TRAPPC13: variants seen among roughly 807,000 people sequenced by gnomAD.
TRAPPC13 encodes the protein REV7-interacting novel NHEJ regulator 1.
TRAPPC13 carries 39 observed loss-of-function variants against 54.0 expected under a neutral mutation model. That is an observed-to-expected ratio of 0.72 (90% CI 0.56 to 0.94). TRAPPC13 has a LOEUF of 0.94. TRAPPC13 is among the 40% of genes least tolerant of loss of function. The pLI is 0.00. For synonymous variants in TRAPPC13, 148 were observed against 167.7 expected (o/e 0.88, Z 0.91); for missense variants, 386 against 488.1 (o/e 0.79, Z 1.97).
rs1423564242 is a variant in TRAPPC13, at chr5:65,647,056, C to T, written c.302C>T (p.Ala101Val). 6.6e-7 allele frequency: 1 copy of T among 1,521,986 alleles called. No individual in the cohort carries two copies. Among genetic ancestry groups the T allele is most frequent in the African/African-American group, 1.4e-5 (1 of 70,822 alleles). The allele number at this position is 1,521,986 out of a possible 1,614,324, so 94.3% of individuals were successfully genotyped here. ...TTTTTTTTTTAACTTTCTTTCAAGG[C>T]TGATCTTCAGACAAGTTCTCAGCGT... ...NQVVKDILVK[A>V]DLQTSSQRLN... The change falls in exon 5 of 13, where the codon GCT becomes GTT. Residue 101 changes from alanine (A) to valine (V), a missense_variant and splice_region_variant. Physicochemically the swap from Ala to Val is moderately conservative, Grantham distance 64 (BLOSUM62 0). Coordinates refer to ENST00000399438, the MANE Select transcript of TRAPPC13 (RefSeq NM_024941.4).
chr5:65,626,858 C>G lies in TRAPPC13; in HGVS notation c.46+1752C>G, dbSNP rs547756790. Among the ~76,000 whole-genome samples the G allele has an allele frequency of 5.4e-5, 8 of 148,462 alleles. No homozygotes were observed. The South Asian group carries it at 1.7e-3, about 32-fold the overall frequency. On this transcript the variant is annotated intron_variant, in intron 1 of 12. Transcript: ENST00000399438. ...TACCTAAGAAAGAATATTTAAGCAG[C>G]CTAAGCCAGGCGTGGTGGCTCACGC...
At chr5:65,629,543 A>G in intron 1 of TRAPPC13, 1 of 1,472,614 alleles carries the variant, frequency 6.8e-7, no homozygotes, top group Non-Finnish European at 8.9e-7. Flanking sequence ...GAGGAGTTCA[A>G]CTAAGAAATT....
chr5:65,652,201 A>T (rs970430847), intron 6 of TRAPPC13, among the ~76,000 whole-genome samples: 1 of 151,898 alleles, frequency 6.6e-6, no homozygotes, highest in Non-Finnish European at 1.5e-5. Flanking sequence ...GTGAATATAG[A>T]TATAGAAAAA....
chr5:65,641,154 G>C (rs1007951644), intron 4 of TRAPPC13, among the ~76,000 whole-genome samples: 2 of 151,968 alleles, frequency 1.3e-5, no homozygotes. Context: ...AGCAGGTCTT[G>C]AACTCCTGAA....
intron 10 of TRAPPC13, 89 bp from the exon 11 acceptor site, chr5:65,661,961 T>C: frequency 1.2e-6 from 1 of 805,026 alleles, no homozygotes; most frequent in Non-Finnish European, 1.9e-6. Flanking sequence ...ACCCAACAGC[T>C]GTTGAGTAAA....
chr5:65,628,262 A>G (rs1278607514), intron 1 of TRAPPC13, among the ~76,000 whole-genome samples: 1 of 152,180 alleles, frequency 6.6e-6, no homozygotes, highest in Non-Finnish European at 1.5e-5. Flanking sequence ...CTGGAATTCA[A>G]AAGCCATGGT....
chr5:65,656,765 G>A (rs1412855494), intron 8 of TRAPPC13, among the ~76,000 whole-genome samples: 2 of 151,992 alleles, frequency 1.3e-5, no homozygotes, highest in African/African-American at 4.8e-5. Flanking sequence ...AATTAGCCAG[G>A]CATGGTGGCA....
At chr5:65,648,379 A>G (rs184339813) in intron 5 of TRAPPC13, among the ~76,000 whole-genome samples, 2 of 123,144 alleles carry the variant, frequency 1.6e-5, no homozygotes, top group African/African-American at 5.9e-5. Context: ...AATGTTTCGT[A>G]TTTACTTATT....
intron 9 of TRAPPC13, among the ~76,000 whole-genome samples, chr5:65,659,988 AAAGAAG>A (rs71610507): frequency 7.2e-5 from 10 of 139,278 alleles, no homozygotes; most frequent in East Asian, 4.4e-4. Flanking sequence ...AAAAAAAAAA[AAAGAAG>A]AAGAAGAAGA....
intron 6 of TRAPPC13, among the ~76,000 whole-genome samples, chr5:65,652,105 C>T (rs957381364): frequency 4.0e-5 from 6 of 151,686 alleles, no homozygotes; most frequent in Non-Finnish European, 5.9e-5. Flanking sequence ...TCAGGTGATC[C>T]GCCTGCCTTG....
intron 6 of TRAPPC13, among the ~76,000 whole-genome samples, chr5:65,651,304 C>T (rs1170183828): frequency 6.6e-6 from 1 of 152,054 alleles, no homozygotes; most frequent in East Asian, 1.9e-4. Context: ...ATCGCTTGAC[C>T]CCAGGCTTCA....
At chr5:65,629,228 A>C (rs1343097003) in intron 1 of TRAPPC13, among the ~76,000 whole-genome samples, 1 of 152,206 alleles carries the variant, frequency 6.6e-6, no homozygotes, top group Non-Finnish European at 1.5e-5. Context: ...TGAGTTAAAC[A>C]TGTTGACTAC....
In TRAPPC13 at chr5:65,666,074, AGTCT is replaced by A. The variant is rs545248734; in HGVS notation, c.*1468_*1471del. The A allele has an allele frequency of 2.0e-5, 3 of 152,722 alleles. No individual in the cohort carries two copies. Among genetic ancestry groups the A allele is most frequent in the South Asian group, 2.1e-4 (1 of 4,834 alleles). The allele number at this position is 152,722 out of a possible 1,614,324, so 9.5% of individuals were successfully genotyped here. ...TAAAGTGCAAGCAGTGTAAAATTGA[AGTCT>A]GTCTTTGTTTCAAAATGATTAAGAT... On this transcript the variant is annotated 3_prime_UTR_variant, in exon 13 of 13. Coordinates refer to ENST00000399438, the MANE Select transcript of TRAPPC13 (RefSeq NM_024941.4).
intron 7 of TRAPPC13, among the ~76,000 whole-genome samples, chr5:65,652,903 C>T (rs144669676): frequency 2.0e-5 from 3 of 151,952 alleles, no homozygotes; most frequent in South Asian, 4.2e-4. Flanking sequence ...GTAGATCTAA[C>T]GCTGCAAAAT....
chr5:65,656,283 C>T (rs1756649168), intron 8 of TRAPPC13, among the ~76,000 whole-genome samples: 1 of 152,164 alleles, frequency 6.6e-6, no homozygotes, highest in Non-Finnish European at 1.5e-5. Flanking sequence ...ACTTGATTTT[C>T]CATTATGCTG....
In TRAPPC13 at chr5:65,635,329, C is replaced by T. The variant is rs1306033995; in HGVS notation, c.75C>T (p.Phe25=). ...KVMRLTKPTL[F]TNIPVTCEEK... is the part of the protein sequence containing the mutation. ...TGCGGCTGACTAAGCCTACTTTATT[C>T]ACCAATATCCCAGTAACATGTGAAG... The change falls in exon 2 of 13, where the codon TTC becomes TTT. Residue 25 remains phenylalanine, a synonymous_variant. Coordinates refer to ENST00000399438, the MANE Select transcript of TRAPPC13 (RefSeq NM_024941.4). 6.2e-7 allele frequency: 1 copy of T among 1,613,320 alleles called. No individual in the cohort carries two copies. Among genetic ancestry groups the T allele is most frequent in the Non-Finnish European group, 8.5e-7 (1 of 1,179,542 alleles).
At chr5:65,630,726 G>C (rs16894141) in intron 1 of TRAPPC13, 300,153 of 953,680 alleles carry the variant, frequency 0.31, 48,960 homozygotes, top group South Asian at 0.36. Flanking sequence ...TATTTATGTG[G>C]CATGAATGTA....
chr5:65,643,795 C>T (rs955490885), intron 4 of TRAPPC13, among the ~76,000 whole-genome samples: 43 of 129,086 alleles, frequency 3.3e-4, no homozygotes, highest in African/African-American at 5.7e-4. Flanking sequence ...CCAGCCTGGG[C>T]GACAGAGTGA....
rs148840709 is a variant in TRAPPC13, at chr5:65,625,765, T to A, written c.46+659T>A. On this transcript the variant is annotated intron_variant, in intron 1 of 12. Coordinates refer to ENST00000399438, the MANE Select transcript of TRAPPC13 (RefSeq NM_024941.4). The stretch of plus-strand genomic sequence containing the variant: ...TGCCTATTTTCTGGAAACCTTTTAT[T>A]TGAAATCTTTTCAGCTTTATTTTAT... Among the ~76,000 whole-genome samples the A allele has an allele frequency of 4.6e-5, 7 of 152,358 alleles. No individual in the cohort carries two copies. In the East Asian group the frequency reaches 1.3e-3, roughly 29 times the overall value.
Sources: gnomAD v4.1 joint callset for allele counts (sites outside exome capture counted in the v4.1 genomes callset) on GRCh38, gnomAD v4.1.1 for gene constraint, MANE v1.5 for transcripts, NCBI Gene and HGNC (gene_info 2026-07-23, HGNC 2026-07-21) for gene names.